Variants in RAB3GAP2 observed in about 807,000 individuals in gnomAD.
RAB3GAP2 encodes rab3 GTPase-activating protein non-catalytic subunit.
In RAB3GAP2, 87 loss-of-function variants were observed where a neutral mutation model predicts 185.3. The ratio of observed to expected loss-of-function variants is 0.47; its 90% CI spans 0.39 to 0.56. RAB3GAP2 has a LOEUF of 0.56. Among genes scored for constraint, RAB3GAP2 ranks in the 20% least tolerant of loss-of-function variants. The pLI is 0.00. For synonymous variants in RAB3GAP2, 554 were observed against 576.1 expected (o/e 0.96, Z 0.55); for missense variants, 1,492 against 1,638.2 (o/e 0.91, Z 1.54).
intron 2 of RAB3GAP2, among the ~76,000 whole-genome samples, chr1:220,224,005 C>CAAAA (rs1170784100): frequency 4.0e-4 from 36 of 90,098 alleles, no homozygotes; most frequent in African/African-American, 7.5e-4. Flanking sequence ...GACCCTATCT[C>CAAAA]AAAAAAAAAA....
intron 2 of RAB3GAP2, among the ~76,000 whole-genome samples, chr1:220,226,320 A>G (rs148308166): frequency 2.0e-3 from 304 of 152,232 alleles, no homozygotes; most frequent in African/African-American, 6.6e-3. Flanking sequence ...CTTCTTCCCA[A>G]ACTGCCTCAA....
intron 9 of RAB3GAP2, chr1:220,200,778 G>A (rs1451622891): frequency 1.3e-5 from 5 of 378,820 alleles, no homozygotes. Context: ...GCAGTAAATA[G>A]AAAGATGGCC....
At chr1:220,242,223 T>C (rs1316080318) in intron 1 of RAB3GAP2, among the ~76,000 whole-genome samples, 5 of 152,190 alleles carry the variant, frequency 3.3e-5, no homozygotes, top group African/African-American at 1.2e-4. Flanking sequence ...AGATAGCATA[T>C]TTATCATTGT....
At chr1:220,180,197 C>T (rs1348926778) in intron 21 of RAB3GAP2, among the ~76,000 whole-genome samples, 1 of 151,828 alleles carries the variant, frequency 6.6e-6, no homozygotes, top group Non-Finnish European at 1.5e-5. Context: ...TAGTAATAAA[C>T]ACCTCAATAA....
At chr1:220,207,031 C>T (rs999109808) in intron 7 of RAB3GAP2, among the ~76,000 whole-genome samples, 2 of 152,168 alleles carry the variant, frequency 1.3e-5, no homozygotes, top group Non-Finnish European at 2.9e-5. Context: ...AAAGCAGGAA[C>T]CTTGTATGCC....
At chr1:220,191,866 T>G (rs1230705079) in intron 13 of RAB3GAP2, among the ~76,000 whole-genome samples, 1 of 151,918 alleles carries the variant, frequency 6.6e-6, no homozygotes, top group Non-Finnish European at 1.5e-5. Flanking sequence ...GCCACCTGAT[T>G]ACCCCTCCTG....
chr1:220,148,481 T>C lies in RAB3GAP2; in HGVS notation c.*2770A>G, dbSNP rs1446829997. 6.6e-6 allele frequency: 1 copy of C among 152,184 alleles called. No homozygotes were observed. Among genetic ancestry groups the C allele is most frequent in the East Asian group, 1.9e-4 (1 of 5,206 alleles). The allele number at this position is 152,184 out of a possible 1,614,324, so 9.4% of individuals were successfully genotyped here. On this transcript the variant is annotated 3_prime_UTR_variant, in exon 35 of 35. Coordinates refer to ENST00000358951, the MANE Select transcript of RAB3GAP2 (RefSeq NM_012414.4). ...AATTCTATTCAGCAGGAATCTAACT[T>C]CTAGACACCCAGCAAACCCATTCCT...
At chr1:220,201,553 G>A (rs1288944903) in intron 9 of RAB3GAP2, among the ~76,000 whole-genome samples, 1 of 152,108 alleles carries the variant, frequency 6.6e-6, no homozygotes, top group Non-Finnish European at 1.5e-5. Flanking sequence ...AGGCTGGAGT[G>A]CAGTGGCGTG....
At chr1:220,230,199 C>T (rs1172764312) in intron 2 of RAB3GAP2, among the ~76,000 whole-genome samples, 1 of 152,168 alleles carries the variant, frequency 6.6e-6, no homozygotes, top group Non-Finnish European at 1.5e-5. Context: ...ACAGTATGTC[C>T]CCCTCCCCAA....
At chr1:220,205,219 T>A (rs925410463) in intron 8 of RAB3GAP2, among the ~76,000 whole-genome samples, 1 of 152,196 alleles carries the variant, frequency 6.6e-6, no homozygotes, top group African/African-American at 2.4e-5. Flanking sequence ...TGTAACAACA[T>A]CAGAATGTAA....
At chr1:220,254,067 G>A (rs531019044) in intron 1 of RAB3GAP2, 46 of 1,613,856 alleles carry the variant, frequency 2.9e-5, no homozygotes, top group South Asian at 1.5e-4. Context: ...AGCTAAAACC[G>A]TGGCTTGTTG....
At chr1:220,168,586 A>G (rs1438943145) in intron 24 of RAB3GAP2, among the ~76,000 whole-genome samples, 3 of 151,734 alleles carry the variant, frequency 2.0e-5, no homozygotes, top group African/African-American at 7.3e-5. Context: ...TAGTAGAGAC[A>G]GGGTTTCACC....
At chr1:220,170,829 A>T (rs924277893) in intron 24 of RAB3GAP2, 63 bp downstream of exon 24, 212 of 1,360,554 alleles carry the variant, frequency 1.6e-4, no homozygotes, top group Non-Finnish European at 2.0e-4. Context: ...CGTCATTTCT[A>T]TTAAAAGAAA....
intron 1 of RAB3GAP2, among the ~76,000 whole-genome samples, chr1:220,260,702 C>T (rs977146516): frequency 1.3e-5 from 2 of 152,052 alleles, no homozygotes; most frequent in African/African-American, 4.8e-5. Context: ...CACACATTTA[C>T]ATATATAACA....
In RAB3GAP2 at chr1:220,210,806, T is replaced by G; in HGVS notation, c.505A>C (p.Thr169Pro). ...CTGTTGAAAACTCAACTCACCTCAG[T>G]GTAGAAGCGTACATAACCTGAAGTA... is the stretch of plus-strand genomic sequence containing the variant. ...GFTSGYVRFY[T>P]ENGVLLLAQL... is the part of the protein sequence containing the mutation. The change falls in exon 6 of 35, where the codon ACT (threonine) becomes CCT (proline). Residue 169 changes from threonine to proline, a missense_variant. Physicochemically the swap from Thr to Pro is conservative, Grantham distance 38. This residue lies in a region of RAB3GAP2 where 243 missense variants were observed against 314.8 expected (regional missense o/e 0.77). Transcript: ENST00000358951. 6.2e-7 allele frequency: 1 copy of G among 1,612,894 alleles called. No homozygotes were observed. Among genetic ancestry groups the G allele is most frequent in the Admixed American group, 1.7e-5 (1 of 59,994 alleles).
intron 2 of RAB3GAP2, among the ~76,000 whole-genome samples, chr1:220,226,038 A>T (rs987652568): frequency 3.3e-5 from 5 of 152,206 alleles, no homozygotes; most frequent in Admixed American, 2.6e-4. Context: ...CTAAACTGTT[A>T]TAACAGTTTC....
chr1:220,228,242 T>G (rs1659438433), intron 2 of RAB3GAP2, among the ~76,000 whole-genome samples: 1 of 152,172 alleles, frequency 6.6e-6, no homozygotes, highest in Admixed American at 6.5e-5. Flanking sequence ...TCCTTTACAT[T>G]CTAACTAGGC....
chr1:220,253,495 A>G lies in RAB3GAP2; in HGVS notation c.115+18728T>C, dbSNP rs1261254203. ...GTGCCTGACGGCGCGTCTGACGCGGAGTTGGGTGGGGTAGAGAGTAGGGGG... is the reference window on the plus strand; with the variant it reads ...GTGCCTGACGGCGCGTCTGACGCGGGGTTGGGTGGGGTAGAGAGTAGGGGG... On this transcript the variant is annotated intron_variant, in intron 1 of 34. Coordinates refer to ENST00000358951, the MANE Select transcript of RAB3GAP2 (RefSeq NM_012414.4). 359 of 1,340,776 alleles carry G rather than the reference A, an allele frequency of 2.7e-4. 1 individual carries two copies. The highest frequency in any genetic ancestry group is 3.5e-4 in the Non-Finnish European group (350 of 993,676). 83.1% of individuals were successfully genotyped at this position (1,340,776 alleles called of 1,614,324 possible).
chr1:220,196,576 A>T (rs1460662340), intron 9 of RAB3GAP2, among the ~76,000 whole-genome samples, 178 bp from the exon 10 acceptor site: 1 of 152,150 alleles, frequency 6.6e-6, no homozygotes, highest in South Asian at 2.1e-4. Flanking sequence ...TCACTCCTAT[A>T]ATCCCAGCAC....
Sources: gnomAD v4.1 joint callset for allele counts (sites outside exome capture counted in the v4.1 genomes callset) on GRCh38, gnomAD v4.1.1 for gene constraint, gnomAD v4.1.1 regional missense constraint, MANE v1.5 for transcripts, NCBI Gene and HGNC (gene_info 2026-07-23, HGNC 2026-07-21) for gene names.